EPSTI1: variants seen among roughly 807,000 people sequenced by gnomAD.
The protein encoded by EPSTI1 is epithelial-stromal interaction protein 1.
EPSTI1 carries 66 observed loss-of-function variants against 49.9 expected under a neutral mutation model. That is an observed-to-expected ratio of 1.32 (90% CI 1.08 to 1.62). The LOEUF is 1.62. EPSTI1 is among the 40% of genes most tolerant of loss of function. The pLI, the probability that EPSTI1 is intolerant of heterozygous loss-of-function variation, is 0.00. For missense variants in EPSTI1, 394 were observed against 365.5 expected, an observed-to-expected ratio of 1.08 and a Z score of -0.64; for synonymous variants, 137 against 130.7, an observed-to-expected ratio of 1.05 and a Z score of -0.33.
rs973755009 is a variant in EPSTI1, at chr13:42,992,135, C to T, written c.31G>A (p.Gly11Arg). Reference sequence around the variant, plus strand: ...CGGGAGGCAGGGGAGGCGCCGAGCCCGGAGTTCACCACTCTATTGCGGGTG... The same window carrying T: ...CGGGAGGCAGGGGAGGCGCCGAGCCTGGAGTTCACCACTCTATTGCGGGTG... MNTRNRVVNSGLGASPASRPT... is the reference protein window; with the variant it reads MNTRNRVVNSRLGASPASRPT... Residue 11 changes from glycine (G) to arginine (R), a missense_variant, in exon 1 of 11, where the codon GGG (glycine) becomes AGG (arginine). Transcript: ENST00000313624. 9.3e-6 allele frequency: 15 copies of T among 1,604,744 alleles called. No homozygotes were observed. Among genetic ancestry groups the T allele is most frequent in the African/African-American group, 2.7e-5 (2 of 74,616 alleles).
intron 6 of EPSTI1, among the ~76,000 whole-genome samples, chr13:42,953,489 T>C (rs1369122871): frequency 6.6e-6 from 1 of 152,246 alleles, no homozygotes; most frequent in Non-Finnish European, 1.5e-5. Context: ...CCTTGGTGTA[T>C]GACCACCAGT....
At chr13:42,956,787 A>G (rs571264521) in intron 5 of EPSTI1, among the ~76,000 whole-genome samples, 1 of 152,354 alleles carries the variant, frequency 6.6e-6, no homozygotes, top group African/African-American at 2.4e-5. Context: ...TGTTAGCTCA[A>G]GGAAACCCAA....
intron 6 of EPSTI1, among the ~76,000 whole-genome samples, chr13:42,935,611 GGC>G (rs2038534919): frequency 6.6e-6 from 1 of 151,792 alleles, no homozygotes; most frequent in African/African-American, 2.4e-5. Flanking sequence ...ATTTTTTTGA[GGC>G]AGAGTTTTGC....
At position 42,963,885 on chromosome 13, in the gene EPSTI1, T is replaced by C. The variant is rs138415832; in HGVS notation, c.405+181A>G. 9.8e-3 allele frequency among the ~76,000 whole-genome samples: 1,485 copies of C among 152,302 alleles called. 12 individuals carry two copies. Among genetic ancestry groups the C allele is most frequent in the Non-Finnish European group, 0.016 (1,100 of 68,004 alleles). On this transcript the variant is annotated intron_variant, in intron 4 of 10. Coordinates refer to ENST00000313624, the MANE Select transcript of EPSTI1 (RefSeq NM_033255.5). Reference sequence around the variant, plus strand: ...GAGTGATAAAGGGCTTAGGTAGGAATTGAAGGTATCCATCTCTTCACTTCT... The same window carrying C: ...GAGTGATAAAGGGCTTAGGTAGGAACTGAAGGTATCCATCTCTTCACTTCT...
chr13:42,946,191 T>TA (rs2038912385), intron 6 of EPSTI1, among the ~76,000 whole-genome samples: 1 of 152,202 alleles, frequency 6.6e-6, no homozygotes, highest in Non-Finnish European at 1.5e-5. Flanking sequence ...TCTAGGAGAC[T>TA]AAAATAGATG....
chr13:42,913,153 A>G (rs906473471), intron 8 of EPSTI1, among the ~76,000 whole-genome samples: 3 of 152,082 alleles, frequency 2.0e-5, no homozygotes, highest in African/African-American at 7.2e-5. Context: ...TGTCAGTAAA[A>G]AAAAAGAAAA....
chr13:42,977,196 C>T (rs1023550611), intron 1 of EPSTI1, among the ~76,000 whole-genome samples: 1 of 152,186 alleles, frequency 6.6e-6, no homozygotes, highest in Non-Finnish European at 1.5e-5. Flanking sequence ...CTTAGATATC[C>T]TATTTACATT....
At position 42,886,922 on chromosome 13, in the gene EPSTI1, A is replaced by G. The variant is rs1473813794; in HGVS notation, c.*1572T>C. 6.6e-6 allele frequency: 1 copy of G among 151,958 alleles called. No homozygotes were observed. Among genetic ancestry groups the G allele is most frequent in the Non-Finnish European group, 1.5e-5 (1 of 68,002 alleles). 9.4% of individuals were successfully genotyped at this position (151,958 alleles called of 1,614,324 possible). On this transcript the variant is annotated 3_prime_UTR_variant, in exon 11 of 11. Transcript: ENST00000313624. ...GAAAGCATCCCTTTTTCCTACGTCA[A>G]CTCCTGGTTGCATGCTGGAAAATGC...
intron 8 of EPSTI1, among the ~76,000 whole-genome samples, chr13:42,911,117 T>C (rs1428336392): frequency 6.6e-6 from 1 of 152,218 alleles, no homozygotes. Context: ...TGGAATAAAC[T>C]CTACTTTCCT....
chr13:42,889,495 G>A (rs916734738), intron 10 of EPSTI1, among the ~76,000 whole-genome samples: 5 of 151,972 alleles, frequency 3.3e-5, no homozygotes, highest in African/African-American at 9.7e-5. Context: ...TCTGTCTCTG[G>A]CTTTTTACTG....
chr13:42,903,033 G>A (rs149703372), intron 8 of EPSTI1, among the ~76,000 whole-genome samples: 2 of 152,268 alleles, frequency 1.3e-5, no homozygotes, highest in Non-Finnish European at 2.9e-5. Context: ...GCCAAAGGAT[G>A]CTGATTATTT....
intron 10 of EPSTI1, among the ~76,000 whole-genome samples, chr13:42,891,925 A>G (rs2037047040): frequency 6.6e-6 from 1 of 152,238 alleles, no homozygotes; most frequent in Admixed American, 6.5e-5. Flanking sequence ...GTGCTATAGA[A>G]AAAGGGAGGG....
intron 8 of EPSTI1, among the ~76,000 whole-genome samples, chr13:42,903,295 G>C (rs1462950582): frequency 1.3e-5 from 2 of 151,958 alleles, no homozygotes; most frequent in Non-Finnish European, 2.9e-5. Flanking sequence ...TACAATCACA[G>C]CCATACAAAA....
At chr13:42,969,406 T>C in intron 2 of EPSTI1, 1 of 477,440 alleles carries the variant, frequency 2.1e-6, no homozygotes, top group East Asian at 3.5e-5. Flanking sequence ...GGTTCGAATT[T>C]GAAAAACCAC....
chr13:42,893,739 CATAGAGAAGAAA>C lies in EPSTI1; in HGVS notation c.915+1258_915+1269del, dbSNP rs2037106740. Among the ~76,000 whole-genome samples the C allele has an allele frequency of 2.2e-4, 33 of 152,272 alleles. No homozygotes were observed. The South Asian group carries it at 6.4e-3, about 30-fold the overall frequency. ...GCTTTCTAAGTTTTAAGAGCGGTTC[CATAGAGAAGAAA>C]TGACAACCATACAGTGTGTTTCCAA... On this transcript the variant is annotated intron_variant, in intron 10 of 10. Coordinates refer to ENST00000313624, the MANE Select transcript of EPSTI1 (RefSeq NM_033255.5).
At chr13:42,905,937 A>C (rs997759797) in intron 8 of EPSTI1, among the ~76,000 whole-genome samples, 2 of 152,258 alleles carry the variant, frequency 1.3e-5, no homozygotes, top group Admixed American at 6.5e-5. Context: ...ACATTCATAC[A>C]GAGCTGCATA....
At chr13:42,960,776 C>T (rs1186639128) in intron 5 of EPSTI1, among the ~76,000 whole-genome samples, 1 of 152,206 alleles carries the variant, frequency 6.6e-6, no homozygotes, top group East Asian at 1.9e-4. Flanking sequence ...CTAATGGCCC[C>T]TTCCTACATC....
chr13:42,892,076 T>C lies in EPSTI1; in HGVS notation c.915+2933A>G, dbSNP rs75605142. Among the ~76,000 whole-genome samples the C allele has an allele frequency of 7.7e-3, 1,164 of 152,106 alleles. 18 individuals carry two copies. The highest frequency in any genetic ancestry group is 0.025 in the African/African-American group (1,044 of 41,488). ...CAAACCATATGGATATTTTGGAGAA[T>C]AGTGTAGACAGAGCACCCAGTGCTC... On this transcript the variant is annotated intron_variant, in intron 10 of 10. Coordinates refer to ENST00000313624, the MANE Select transcript of EPSTI1 (RefSeq NM_033255.5).
At chr13:42,948,083 T>A (rs1176785120) in intron 6 of EPSTI1, among the ~76,000 whole-genome samples, 1 of 152,252 alleles carries the variant, frequency 6.6e-6, no homozygotes, top group African/African-American at 2.4e-5. Context: ...TTCCCGCAGC[T>A]GCCAGGCTTC....
Sources: gnomAD v4.1 joint callset for allele counts (sites outside exome capture counted in the v4.1 genomes callset) on GRCh38, gnomAD v4.1.1 for gene constraint, MANE v1.5 for transcripts, NCBI Gene and HGNC (gene_info 2026-07-23, HGNC 2026-07-21) for gene names.